CNTN4: variants seen among roughly 807,000 people sequenced by gnomAD.
The protein encoded by CNTN4 is contactin 4, also known as contactin-4.
A neutral mutation model predicts 122.5 loss-of-function variants in CNTN4; 77 were observed. The ratio of observed to expected loss-of-function variants is 0.63; its 90% CI spans 0.52 to 0.76. The LOEUF (loss-of-function observed/expected upper bound fraction) is 0.76, where lower values mean the gene tolerates loss of function less well. Among genes scored for constraint, CNTN4 ranks in the 30% least tolerant of loss-of-function variants. The pLI is 0.00. For synonymous variants in CNTN4, 512 were observed against 447.0 expected (o/e 1.15, Z -1.83); for missense variants, 1,256 against 1,259.1 (o/e 1.00, Z 0.04).
At chr3:2,155,938 T>C (rs2035699185) in intron 2 of CNTN4, among the ~76,000 whole-genome samples, 1 of 152,342 alleles carries the variant, frequency 6.6e-6, no homozygotes, top group South Asian at 2.1e-4. Context: ...CCTTTGCTTT[T>C]CCATCAAAAT....
intron 3 of CNTN4, among the ~76,000 whole-genome samples, chr3:2,525,968 G>A (rs930338371): frequency 6.6e-6 from 1 of 152,064 alleles, no homozygotes; most frequent in African/African-American, 2.4e-5. Flanking sequence ...GTCTTAACAA[G>A]GTAGGTTTCT....
chr3:2,322,750 T>TA (rs1342704255), intron 2 of CNTN4, among the ~76,000 whole-genome samples: 1 of 152,218 alleles, frequency 6.6e-6, no homozygotes, highest in Non-Finnish European at 1.5e-5. Flanking sequence ...ACTTAGAAAC[T>TA]AAAATACTAA....
At chr3:2,766,051 A>AT (rs2090843593) in intron 6 of CNTN4, among the ~76,000 whole-genome samples, 1 of 152,154 alleles carries the variant, frequency 6.6e-6, no homozygotes, top group Non-Finnish European at 1.5e-5. Flanking sequence ...TTGAGAAGGC[A>AT]TCCCTCATCA....
intron 2 of CNTN4, among the ~76,000 whole-genome samples, chr3:2,124,337 G>A (rs2033988783): frequency 6.6e-6 from 1 of 151,894 alleles, no homozygotes; most frequent in African/African-American, 2.4e-5. Context: ...AAAATGGGCG[G>A]TTTTAGGTAA....
chr3:2,149,747 T>C (rs766135438), intron 2 of CNTN4, among the ~76,000 whole-genome samples: 5 of 152,166 alleles, frequency 3.3e-5, no homozygotes, highest in Non-Finnish European at 5.9e-5. Context: ...TAAAATTAAT[T>C]TAATGTTTAG....
At chr3:2,313,507 T>C (rs916373521) in intron 2 of CNTN4, among the ~76,000 whole-genome samples, 4 of 151,840 alleles carry the variant, frequency 2.6e-5, no homozygotes, top group Non-Finnish European at 5.9e-5. Context: ...GATTCAGAAA[T>C]AGAGGAAAAA....
chr3:2,529,023 A>C (rs2077500801), intron 3 of CNTN4, among the ~76,000 whole-genome samples: 1 of 152,114 alleles, frequency 6.6e-6, no homozygotes, highest in African/African-American at 2.4e-5. Context: ...TGGTACTCGT[A>C]CAGTGCTATG....
intron 13 of CNTN4, among the ~76,000 whole-genome samples, chr3:2,940,374 G>C (rs1181232095): frequency 6.6e-6 from 1 of 152,250 alleles, no homozygotes; most frequent in Admixed American, 6.5e-5. Context: ...GAATTCACAA[G>C]TGACCTTGAA....
At chr3:2,273,601 A>G (rs1346373144) in intron 2 of CNTN4, among the ~76,000 whole-genome samples, 2 of 152,222 alleles carry the variant, frequency 1.3e-5, no homozygotes, top group Admixed American at 6.5e-5. Context: ...CATTTCTTGA[A>G]TATTCAAGTT....
At chr3:2,909,817 A>G (rs978348597) in intron 12 of CNTN4, among the ~76,000 whole-genome samples, 7 of 152,200 alleles carry the variant, frequency 4.6e-5, no homozygotes, top group South Asian at 2.1e-4. Context: ...GTAGCTCTAG[A>G]GTGGGGCCTG....
intron 2 of CNTN4, among the ~76,000 whole-genome samples, chr3:2,172,743 G>T (rs1416942113): frequency 6.6e-6 from 1 of 152,128 alleles, no homozygotes. Context: ...CAGATTGCAG[G>T]AGACTGACAG....
chr3:2,578,894 G>T (rs1311297125), intron 4 of CNTN4, among the ~76,000 whole-genome samples: 4 of 152,098 alleles, frequency 2.6e-5, no homozygotes, highest in Admixed American at 2.6e-4. Context: ...AAAAAATAGG[G>T]GAAGTATACT....
intron 3 of CNTN4, among the ~76,000 whole-genome samples, chr3:2,371,653 T>A (rs573483169): frequency 6.6e-6 from 1 of 152,372 alleles, no homozygotes; most frequent in African/African-American, 2.4e-5. Flanking sequence ...CTCCGCTAGA[T>A]TCGTGTTCAG....
intron 2 of CNTN4, among the ~76,000 whole-genome samples, chr3:2,228,512 A>T (rs1361768672): frequency 6.6e-6 from 1 of 152,088 alleles, no homozygotes; most frequent in Non-Finnish European, 1.5e-5. Context: ...AAGTTTGCAG[A>T]TCTCTCTACC....
intron 2 of CNTN4, among the ~76,000 whole-genome samples, chr3:2,173,934 A>G (rs2036626815): frequency 6.6e-6 from 1 of 152,166 alleles, no homozygotes; most frequent in African/African-American, 2.4e-5. Context: ...TGTTGCTATT[A>G]TCGTTGTTTT....
At chr3:2,852,361 A>C (rs2093562399) in intron 7 of CNTN4, among the ~76,000 whole-genome samples, 1 of 152,196 alleles carries the variant, frequency 6.6e-6, no homozygotes, top group African/African-American at 2.4e-5. Context: ...ATATTAGGGT[A>C]GCTTTATTCC....
At chr3:2,294,488 G>C (rs1040185237) in intron 2 of CNTN4, among the ~76,000 whole-genome samples, 2 of 151,916 alleles carry the variant, frequency 1.3e-5, no homozygotes, top group African/African-American at 2.4e-5. Flanking sequence ...AAAAATTGCT[G>C]GGCATGGTGG....
chr3:2,878,187 G>T (rs1409450880), intron 8 of CNTN4, among the ~76,000 whole-genome samples: 2 of 152,052 alleles, frequency 1.3e-5, no homozygotes, highest in Non-Finnish European at 2.9e-5. Context: ...CGTTCCTGTA[G>T]CCATAAATAT....
intron 3 of CNTN4, among the ~76,000 whole-genome samples, chr3:2,506,904 G>A (rs1488573069): frequency 6.6e-6 from 1 of 152,028 alleles, no homozygotes; most frequent in Non-Finnish European, 1.5e-5. Flanking sequence ...GGGCCTTGAC[G>A]TTTTTATTTA....
Sources: gnomAD v4.1 joint callset for allele counts (sites outside exome capture counted in the v4.1 genomes callset) on GRCh38, gnomAD v4.1.1 for gene constraint, MANE v1.5 for transcripts, NCBI Gene and HGNC (gene_info 2026-07-23, HGNC 2026-07-21) for gene names.